IBTK: variants seen among roughly 807,000 people sequenced by gnomAD.
IBTK encodes inhibitor of Bruton tyrosine kinase.
Under a neutral mutation model 154.9 loss-of-function variants are expected in IBTK, and 83 were observed. The ratio of observed to expected loss-of-function variants is 0.54; its 90% CI spans 0.45 to 0.64. IBTK has a LOEUF of 0.64. Ranked by LOEUF, IBTK falls within the 30% of genes least tolerant of loss-of-function variation. The pLI is 0.00. For missense variants in IBTK, 1,332 were observed against 1,584.6 expected (o/e 0.84, Z 2.71); for synonymous variants, 515 against 536.1 (o/e 0.96, Z 0.54).
At chr6:82,193,060 C>T (rs898744423) in intron 23 of IBTK, among the ~76,000 whole-genome samples, 10 of 149,132 alleles carry the variant, frequency 6.7e-5, no homozygotes, top group African/African-American at 1.7e-4. Context: ...ATCGTGCCAC[C>T]GCACTCCAGC....
chr6:82,183,924 T>C (rs906092207), intron 25 of IBTK, among the ~76,000 whole-genome samples: 2 of 152,220 alleles, frequency 1.3e-5, no homozygotes, highest in African/African-American at 4.8e-5. Flanking sequence ...CCTTCCACTA[T>C]GCTATGAAGC....
At position 82,214,301 on chromosome 6, in the gene IBTK, A is replaced by AT; in HGVS notation, c.2129dup (p.Asn710LysfsTer3). On this transcript the variant is annotated frameshift_variant, in exon 12 of 29. Coordinates refer to ENST00000306270, the MANE Select transcript of IBTK (RefSeq NM_015525.4). LOFTEE classifies it high-confidence loss of function. ...TTCTTACAGGATCATCTTCCCTAATATTTTTTCCTTTTTTACAAGATTTAG... is the reference window on the plus strand; with the variant it reads ...TTCTTACAGGATCATCTTCCCTAATATTTTTTTCCTTTTTTACAAGATTTAG... The AT allele has an allele frequency of 1.2e-6, 2 of 1,613,706 alleles. No individual in the cohort carries two copies. Among genetic ancestry groups the AT allele is most frequent in the Non-Finnish European group, 8.5e-7 (1 of 1,179,810 alleles).
In IBTK at chr6:82,240,468, C is replaced by G; in HGVS notation, c.19G>C (p.Asp7His). 6.2e-7 allele frequency: 1 copy of G among 1,613,168 alleles called. No individual in the cohort carries two copies. The highest frequency in any genetic ancestry group is 8.5e-7 in the Non-Finnish European group (1 of 1,179,838). ...AGGGATCGACACTTTGATGTGCAGT[C>G]AGGCATGGGTGAACTCATCCTAACT... The part of the protein sequence containing the change: MSSPMP[D>H]CTSKCRSLKH... The change falls in exon 2 of 29, where the codon GAC becomes CAC. Residue 7 changes from aspartate to histidine, a missense_variant. By Grantham distance (81) the Asp-to-His change is moderately conservative (BLOSUM62 -1). Around this residue, in one of 3 missense-constraint regions of IBTK, gnomAD observed 84 missense variants for 96.2 expected, o/e 0.87. Transcript: ENST00000306270.
intron 9 of IBTK, 110 bp from the exon 10 acceptor site, chr6:82,218,247 A>G: frequency 1.5e-6 from 1 of 649,710 alleles, no homozygotes; most frequent in Non-Finnish European, 2.3e-6. Context: ...AGCTCTCATT[A>G]GTATGTTTCA....
Position 82,204,921 on chromosome 6 carries a change from C to G in IBTK, c.2547G>C (p.Val849=). The change falls in exon 17 of 29, where the codon GTG becomes GTC. Residue 849 remains valine (V), a synonymous_variant. Coordinates refer to ENST00000306270, the MANE Select transcript of IBTK (RefSeq NM_015525.4). The part of the protein sequence containing the change: ...QNVDFICSVL[V]VADQLLITRL... ...GGGTTATGAGAAGTTGATCAGCCAC[C>G]ACAAGAACACTACAAATAAAATCTA... is the stretch of plus-strand genomic sequence containing the variant. The G allele has an allele frequency of 6.2e-7, 1 of 1,604,972 alleles. No individual in the cohort carries two copies. Among genetic ancestry groups the G allele is most frequent in the South Asian group, 1.1e-5 (1 of 89,228 alleles).
At chr6:82,183,830 T>G (rs943307039) in intron 25 of IBTK, among the ~76,000 whole-genome samples, 41 of 152,372 alleles carry the variant, frequency 2.7e-4, no homozygotes, top group Admixed American at 1.7e-3. Flanking sequence ...GTTTAAGTTA[T>G]GAGGGTGCCT....
chr6:82,206,018 T>C (rs567872816), intron 16 of IBTK: 2 of 152,026 alleles, frequency 1.3e-5, no homozygotes, highest in Non-Finnish European at 2.9e-5. Flanking sequence ...AACAGACAAC[T>C]GTGGAAAATT....
At chr6:82,206,770 A>C (rs1769429101) in intron 16 of IBTK, among the ~76,000 whole-genome samples, 1 of 152,214 alleles carries the variant, frequency 6.6e-6, no homozygotes, top group African/African-American at 2.4e-5. Flanking sequence ...TAAATCCAAA[A>C]CGAAAGGATG....
At chr6:82,171,638 T>G in intron 28 of IBTK, 82 bp from the exon 29 acceptor site, 1 of 1,200,274 alleles carries the variant, frequency 8.3e-7, no homozygotes, top group Non-Finnish European at 1.2e-6. Flanking sequence ...AATTTCCTTT[T>G]GAGGAACTAT....
chr6:82,208,877 C>T (rs1048970963), intron 16 of IBTK, among the ~76,000 whole-genome samples: 1 of 151,986 alleles, frequency 6.6e-6, no homozygotes, highest in African/African-American at 2.4e-5. Context: ...ATATAAAGAA[C>T]TCTTGCAACA....
intron 13 of IBTK, 59 bp from the exon 14 acceptor site, chr6:82,211,631 AT>A: frequency 2.9e-6 from 4 of 1,380,304 alleles, no homozygotes; most frequent in Non-Finnish European, 4.1e-6. Flanking sequence ...AGTGAAAAAG[AT>A]TATAGGATTT....
Position 82,191,100 on chromosome 6 carries a change from G to T in IBTK, c.3548C>A (p.Ser1183Ter). 1 of 1,584,478 alleles carries T rather than the reference G, an allele frequency of 6.3e-7. No individual in the cohort carries two copies. Among genetic ancestry groups the T allele is most frequent in the Non-Finnish European group, 8.6e-7 (1 of 1,163,694 alleles). ...NSMETVLFTPSKAPKPVNAWA... is the reference protein window; with the variant it reads ...NSMETVLFTP ...TGCATTCACTGGTTTGGGGGCTTTT[G>T]AAGGAGTGAATAAAACTGTTTCCAT... The change falls in exon 25 of 29, where the codon TCA becomes TAA. Residue 1183 changes from serine (S) to a stop codon, truncating the protein, a stop_gained. Transcript: ENST00000306270. LOFTEE classifies it high-confidence loss of function.
chr6:82,176,045 T>C (rs1238530405), intron 26 of IBTK, among the ~76,000 whole-genome samples: 2 of 151,240 alleles, frequency 1.3e-5, no homozygotes, highest in Non-Finnish European at 3.0e-5. Flanking sequence ...AAAAAAAAGA[T>C]TTTTGTTCAA....
chr6:82,189,023 C>T, intron 25 of IBTK: 1 of 446,094 alleles, frequency 2.2e-6, no homozygotes, highest in South Asian at 1.6e-5. Context: ...GGGTGAGACT[C>T]CATCTCAAAA....
intron 17 of IBTK, 108 bp from the exon 18 acceptor site, chr6:82,202,753 A>G (rs1045306574): frequency 6.3e-6 from 4 of 633,906 alleles, no homozygotes; most frequent in Admixed American, 6.1e-5. Context: ...TGGAATAAAG[A>G]AAAAAAAGTT....
At chr6:82,209,461 T>G (rs550883952) in intron 16 of IBTK, among the ~76,000 whole-genome samples, 1 of 152,190 alleles carries the variant, frequency 6.6e-6, no homozygotes, top group Non-Finnish European at 1.5e-5. Flanking sequence ...AAGTTAAATA[T>G]AAAAGGTCAC....
chr6:82,209,469 C>A (rs1769544053), intron 16 of IBTK, among the ~76,000 whole-genome samples: 1 of 152,122 alleles, frequency 6.6e-6, no homozygotes. Context: ...TATAAAAGGT[C>A]ACATGTTGTT....
At position 82,202,608 on chromosome 6, in the gene IBTK, T is replaced by G; in HGVS notation, c.2649A>C (p.Ala883=). The G allele has an allele frequency of 6.2e-7, 1 of 1,607,342 alleles. No individual in the cohort carries two copies. Among genetic ancestry groups the G allele is most frequent in the Non-Finnish European group, 8.5e-7 (1 of 1,177,204 alleles). Reference sequence around the variant, plus strand: ...TCAACTGTTTTGCACTATACATTGCTGCAAATTCCAGTAGCATAGCAGCAT... The same window carrying G: ...TCAACTGTTTTGCACTATACATTGCGGCAAATTCCAGTAGCATAGCAGCAT... The part of the protein sequence containing the change: ...LKNAAMLLEF[A]AMYSAKQLKL... Residue 883 remains alanine, a synonymous_variant, in exon 18 of 29, where the codon GCA becomes GCC. Transcript: ENST00000306270.
Position 82,223,612 on chromosome 6 carries a change from G to A in IBTK, c.952C>T (p.Leu318=). 1 of 1,611,472 alleles carries A rather than the reference G, an allele frequency of 6.2e-7. No individual in the cohort carries two copies. Among genetic ancestry groups the A allele is most frequent in the Non-Finnish European group, 8.5e-7 (1 of 1,178,680 alleles). Residue 318 remains leucine (L), a synonymous_variant, in exon 8 of 29, where the codon CTA becomes TTA. Transcript: ENST00000306270. The stretch of plus-strand genomic sequence containing the variant: ...ACACACTTTTCTCCATTGGGATCTA[G>A]CAAACAACCTAAAAAATGATACAAA... The part of the protein sequence containing the change: ...GLNGGQLGCL[L]DPNGEKCVTA...
Sources: gnomAD v4.1 joint callset for allele counts (sites outside exome capture counted in the v4.1 genomes callset) on GRCh38, gnomAD v4.1.1 for gene constraint, gnomAD v4.1.1 regional missense constraint, MANE v1.5 for transcripts, NCBI Gene and HGNC (gene_info 2026-07-23, HGNC 2026-07-21) for gene names.